Variants in NAALADL2 observed in about 807,000 individuals in gnomAD.
The protein encoded by NAALADL2 is inactive N-acetylated-alpha-linked acidic dipeptidase-like protein 2.
In NAALADL2, 76 loss-of-function variants were observed where a neutral mutation model predicts 87.2. The ratio of observed to expected loss-of-function variants is 0.87; its 90% CI spans 0.72 to 1.05. The LOEUF (loss-of-function observed/expected upper bound fraction) is 1.05, where lower values mean the gene tolerates loss of function less well. Ranked by LOEUF, NAALADL2 falls within the 50% of genes least tolerant of loss-of-function variation. The pLI, the probability that NAALADL2 is intolerant of heterozygous loss-of-function variation, is 0.00. For synonymous variants in NAALADL2, 354 were observed against 331.0 expected (o/e 1.07, Z -0.75); for missense variants, 1,089 against 945.8 (o/e 1.15, Z -1.99).
intron 10 of NAALADL2, among the ~76,000 whole-genome samples, chr3:175,591,183 A>G (rs1263332999): frequency 6.6e-6 from 1 of 152,174 alleles, no homozygotes; most frequent in Non-Finnish European, 1.5e-5. Flanking sequence ...CTGAATATAA[A>G]TGCTATTTAT....
rs539324737 is a variant in NAALADL2 at position 174,948,423 on chromosome 3, C to T, written c.43+88973C>T. Among the ~76,000 whole-genome samples, 7 of 152,200 alleles carry T rather than the reference C, an allele frequency of 4.6e-5. No homozygotes were observed. The South Asian group carries it at 1.0e-3, about 23-fold the overall frequency. On this transcript the variant is annotated intron_variant, in intron 1 of 13. Transcript: ENST00000454872. The stretch of plus-strand genomic sequence containing the variant: ...AACTCCTGACCTCAGGTGATCCACC[C>T]GCCTCGGCCTCTCAAAGTGCTGGGA...
chr3:174,942,070 T>C (rs918112405), intron 1 of NAALADL2, among the ~76,000 whole-genome samples: 2 of 152,168 alleles, frequency 1.3e-5, no homozygotes, highest in African/African-American at 4.8e-5. Context: ...TTATGTTGGC[T>C]TCTCGGGTTG....
intron 2 of NAALADL2, among the ~76,000 whole-genome samples, chr3:174,725,607 A>G (rs914657591): frequency 8.5e-5 from 13 of 152,236 alleles, no homozygotes; most frequent in African/African-American, 3.1e-4. Flanking sequence ...TACATGGTTC[A>G]AACTGAATCT....
At chr3:175,205,275 G>C (rs909791551) in intron 2 of NAALADL2, among the ~76,000 whole-genome samples, 1 of 152,120 alleles carries the variant, frequency 6.6e-6, no homozygotes, top group African/African-American at 2.4e-5. Context: ...CAATGGAACA[G>C]AATAGGAAAC....
intron 4 of NAALADL2, among the ~76,000 whole-genome samples, chr3:175,263,037 T>TGGG (rs1751350398): frequency 6.6e-6 from 1 of 151,548 alleles, no homozygotes; most frequent in Admixed American, 6.6e-5. Flanking sequence ...CTCCATCTTT[T>TGGG]ATGATTCTAA....
At chr3:175,730,395 GATATATATATATATATATATAT>G (rs5854656) in intron 11 of NAALADL2, among the ~76,000 whole-genome samples, 2,031 of 55,756 alleles carry the variant, frequency 0.036, 82 homozygotes, top group African/African-American at 0.056. Context: ...ACTTAATACA[GATATATATATATATATATATAT>G]ATATATATAT....
At chr3:175,185,844 C>A (rs1737253360) in intron 2 of NAALADL2, among the ~76,000 whole-genome samples, 1 of 151,342 alleles carries the variant, frequency 6.6e-6, no homozygotes. Context: ...AAAACAAGCC[C>A]TCAAAACTTG....
chr3:175,172,302 A>G, intron 2 of NAALADL2, among the ~76,000 whole-genome samples: 1 of 152,126 alleles, frequency 6.6e-6, no homozygotes, highest in East Asian at 1.9e-4. Context: ...TGAGTACTAA[A>G]CCAGTAGTAA....
At chr3:175,113,683 A>G (rs867559075) in intron 2 of NAALADL2, among the ~76,000 whole-genome samples, 2 of 151,666 alleles carry the variant, frequency 1.3e-5, no homozygotes, top group Middle Eastern at 3.4e-3. Flanking sequence ...CAAGTGATGA[A>G]AAGAGGCTAG....
intron 4 of NAALADL2, among the ~76,000 whole-genome samples, chr3:175,278,915 C>T (rs984901249): frequency 2.6e-5 from 4 of 152,156 alleles, no homozygotes; most frequent in African/African-American, 7.2e-5. Flanking sequence ...GTAGGACTAT[C>T]ATCTTACAAT....
intron 5 of NAALADL2, among the ~76,000 whole-genome samples, chr3:175,429,473 A>C (rs1461516296): frequency 6.6e-6 from 1 of 152,006 alleles, no homozygotes; most frequent in East Asian, 1.9e-4. Flanking sequence ...TTTGCTTAGA[A>C]GGTTTCTGGA....
chr3:174,543,082 CAAG>C, intron 1 of NAALADL2, among the ~76,000 whole-genome samples: 2 of 152,152 alleles, frequency 1.3e-5, no homozygotes, highest in Middle Eastern at 6.8e-3. Flanking sequence ...ATTGATAGTG[CAAG>C]AAGGAGACAT....
chr3:175,784,346 G>A (rs927089031), intron 13 of NAALADL2, among the ~76,000 whole-genome samples: 5 of 152,034 alleles, frequency 3.3e-5, no homozygotes, highest in Non-Finnish European at 5.9e-5. Context: ...ACTATTTTTG[G>A]TTGGTAAACT....
At chr3:174,647,624 A>G (rs992251554) in intron 2 of NAALADL2, among the ~76,000 whole-genome samples, 1 of 152,216 alleles carries the variant, frequency 6.6e-6, no homozygotes, top group South Asian at 2.1e-4. Context: ...TGCCATGGCC[A>G]ATTTACACTG....
At chr3:175,570,261 G>A (rs1717851591) in intron 9 of NAALADL2, among the ~76,000 whole-genome samples, 1 of 152,146 alleles carries the variant, frequency 6.6e-6, no homozygotes, top group Non-Finnish European at 1.5e-5. Context: ...CAGGTCTTCA[G>A]CTGATGAGAT....
At chr3:174,840,699 A>C (rs2109419742) in intron 3 of NAALADL2, among the ~76,000 whole-genome samples, 1 of 152,198 alleles carries the variant, frequency 6.6e-6, no homozygotes. Context: ...TATCTTGAAA[A>C]ATCCATCCAG....
intron 1 of NAALADL2, among the ~76,000 whole-genome samples, chr3:175,058,525 G>A (rs1712721243): frequency 6.6e-6 from 1 of 152,034 alleles, no homozygotes; most frequent in Non-Finnish European, 1.5e-5. Context: ...ACATCCATGA[G>A]GTGTCATAAT....
At chr3:174,826,517 A>G (rs1012057774) in intron 3 of NAALADL2, among the ~76,000 whole-genome samples, 4 of 152,212 alleles carry the variant, frequency 2.6e-5, no homozygotes, top group Admixed American at 6.5e-5. Flanking sequence ...TCTGGTACAT[A>G]ATAAGTAATC....
chr3:175,066,942 T>C (rs1341640362), intron 1 of NAALADL2, among the ~76,000 whole-genome samples: 1 of 152,184 alleles, frequency 6.6e-6, no homozygotes, highest in Non-Finnish European at 1.5e-5. Flanking sequence ...TGTAAATCTT[T>C]GTAAATGTCA....
Sources: allele counts gnomAD v4.1 joint callset (sites outside exome capture counted in the v4.1 genomes callset), GRCh38; gene constraint gnomAD v4.1.1; transcripts MANE v1.5; gene names NCBI Gene and HGNC (gene_info 2026-07-23, HGNC 2026-07-21).